The following SMOC1 variants were observed in gnomAD, a reference collection of about 807,000 sequenced individuals.
The protein encoded by SMOC1 is SPARC related modular calcium binding 1.
SMOC1 carries 22 observed loss-of-function variants against 56.3 expected under a neutral mutation model. That is an observed-to-expected ratio of 0.39 (90% CI 0.28 to 0.56). SMOC1 has a LOEUF of 0.56. SMOC1 is among the 20% of genes least tolerant of loss of function. The pLI, the probability that SMOC1 is intolerant of heterozygous loss-of-function variation, is 0.61. For missense variants in SMOC1, 509 were observed against 565.4 expected, an observed-to-expected ratio of 0.90 and a Z score of 1.01; for synonymous variants, 193 against 215.0, an observed-to-expected ratio of 0.90 and a Z score of 0.89.
chr14:69,994,095 G>A (rs1004483605), intron 6 of SMOC1: 2 of 440,726 alleles, frequency 4.5e-6, no homozygotes, highest in East Asian at 4.4e-5. Flanking sequence ...GAGGGACTTG[G>A]CTTGGCCCAT....
At chr14:69,997,319 A>G (rs1220592508) in intron 7 of SMOC1, among the ~76,000 whole-genome samples, 1 of 152,200 alleles carries the variant, frequency 6.6e-6, no homozygotes, top group Admixed American at 6.5e-5. Context: ...TGCTCCCACA[A>G]ACGGGTTGCC....
rs748419756 is a variant in SMOC1, at chr14:69,953,567, T to C, written c.378+35T>C. 3 of 1,582,232 alleles carry C rather than the reference T, an allele frequency of 1.9e-6. No individual in the cohort carries two copies. In the African/African-American group the frequency reaches 4.0e-5, roughly 21 times the overall value. The stretch of plus-strand genomic sequence containing the variant: ...CGGACAATCCTCTTGGGCTCTTTCC[T>C]GGACCGAGGCAGAGGGGAGGTGTCC... On this transcript the variant is annotated intron_variant, in intron 3 of 11. Coordinates refer to ENST00000361956, the MANE Select transcript of SMOC1 (RefSeq NM_001034852.3).
At chr14:69,922,157 TG>T (rs1244831094) in intron 1 of SMOC1, among the ~76,000 whole-genome samples, 1 of 152,238 alleles carries the variant, frequency 6.6e-6, no homozygotes, top group Non-Finnish European at 1.5e-5. Flanking sequence ...TGTGCCATGC[TG>T]GGCTAGTAAT....
rs866268965 is a variant in SMOC1, at chr14:70,023,409, T to C, written c.1253T>C (p.Leu418Pro). ...CTGAACAAAGACAAGGTCATTTCAC[T>C]GCCTGAGCTGAAGGGCTGCCTGGGT... is the stretch of plus-strand genomic sequence containing the variant. ...CDLNKDKVIS[L>P]PELKGCLGVS... Residue 418 changes from leucine to proline, a missense_variant, in exon 11 of 12, where the codon CTG (leucine) becomes CCG (proline). This residue lies in a region of SMOC1 where 176 missense variants were observed against 188.1 expected (regional missense o/e 0.94). Transcript: ENST00000361956. The C allele has an allele frequency of 6.2e-7, 1 of 1,614,042 alleles. No individual in the cohort carries two copies. The highest frequency in any genetic ancestry group is 1.3e-5 in the African/African-American group (1 of 75,058).
chr14:69,939,225 G>A (rs968871998), intron 1 of SMOC1, among the ~76,000 whole-genome samples: 4 of 152,190 alleles, frequency 2.6e-5, no homozygotes, highest in African/African-American at 9.7e-5. Context: ...ATTCAGCAGG[G>A]CTGGGGAAGC....
intron 3 of SMOC1, among the ~76,000 whole-genome samples, chr14:69,959,226 G>A (rs1883288490): frequency 6.6e-6 from 1 of 152,160 alleles, no homozygotes. Flanking sequence ...TTTAAAAAAT[G>A]TCTGCATTGT....
At chr14:70,006,984 G>T (rs1594851885) in intron 7 of SMOC1, among the ~76,000 whole-genome samples, 1 of 152,228 alleles carries the variant, frequency 6.6e-6, no homozygotes, top group Non-Finnish European at 1.5e-5. Context: ...AGTCCACGTG[G>T]AGGGGTCCAC....
intron 1 of SMOC1, among the ~76,000 whole-genome samples, chr14:69,919,911 C>CCG (rs200024094): frequency 8.4e-4 from 30 of 35,814 alleles, no homozygotes; most frequent in African/African-American, 2.5e-3. Flanking sequence ...AACACAAATA[C>CCG]CCCCCCCCCC....
At chr14:70,017,923 C>A (rs1885576565) in intron 10 of SMOC1, among the ~76,000 whole-genome samples, 1 of 152,134 alleles carries the variant, frequency 6.6e-6, no homozygotes. Context: ...TGGGAAAATG[C>A]CTGACCTAGA....
intron 1 of SMOC1, among the ~76,000 whole-genome samples, chr14:69,933,540 GT>G (rs1169228645): frequency 1.3e-5 from 2 of 151,610 alleles, no homozygotes; most frequent in Non-Finnish European, 2.9e-5. Flanking sequence ...TTTTGTTTTT[GT>G]TTTTTTTAGA....
intron 5 of SMOC1, among the ~76,000 whole-genome samples, chr14:69,984,988 G>A (rs1157325042): frequency 6.6e-6 from 1 of 151,562 alleles, no homozygotes; most frequent in Non-Finnish European, 1.5e-5. Context: ...GTTGCAGCAA[G>A]CGAGATCATC....
At chr14:69,900,038 G>A (rs147909892) in intron 1 of SMOC1, among the ~76,000 whole-genome samples, 131 of 152,238 alleles carry the variant, frequency 8.6e-4, no homozygotes, top group African/African-American at 2.7e-3. Flanking sequence ...TTACATACTC[G>A]CCATACCCAT....
chr14:69,977,816 C>T (rs559927298), intron 4 of SMOC1, 102 bp from the exon 5 acceptor site: 248 of 870,884 alleles, frequency 2.8e-4, no homozygotes, highest in Non-Finnish European at 4.6e-4. Flanking sequence ...TACATATATA[C>T]ATGACCATAT....
chr14:69,970,263 T>G (rs963596696), intron 3 of SMOC1, among the ~76,000 whole-genome samples: 44 of 152,196 alleles, frequency 2.9e-4, no homozygotes, highest in African/African-American at 9.4e-4. Flanking sequence ...AGAGACTCAG[T>G]CGCTTCCTGT....
intron 1 of SMOC1, among the ~76,000 whole-genome samples, chr14:69,943,892 C>G (rs1458060054): frequency 6.6e-6 from 1 of 152,220 alleles, no homozygotes; most frequent in African/African-American, 2.4e-5. Context: ...CAGCAAAGCC[C>G]TTTCTGCCCC....
At chr14:69,934,765 T>G (rs1212157872) in intron 1 of SMOC1, among the ~76,000 whole-genome samples, 1 of 152,212 alleles carries the variant, frequency 6.6e-6, no homozygotes, top group Non-Finnish European at 1.5e-5. Context: ...GTTTAGCTCC[T>G]TTGGATCTTC....
intron 1 of SMOC1, among the ~76,000 whole-genome samples, chr14:69,909,059 C>T (rs1384195730): frequency 6.6e-6 from 1 of 152,054 alleles, no homozygotes; most frequent in Non-Finnish European, 1.5e-5. Context: ...CTCTTTGCTC[C>T]ACTAGACTAT....
At chr14:70,019,909 T>A (rs1304781552) in intron 10 of SMOC1, among the ~76,000 whole-genome samples, 1 of 152,242 alleles carries the variant, frequency 6.6e-6, no homozygotes, top group African/African-American at 2.4e-5. Flanking sequence ...GGGTACCTGC[T>A]GTCAACTTCA....
intron 1 of SMOC1, among the ~76,000 whole-genome samples, chr14:69,929,718 G>T (rs1423722483): frequency 6.6e-6 from 1 of 152,148 alleles, no homozygotes; most frequent in Non-Finnish European, 1.5e-5. Context: ...ATCTCCCGGG[G>T]GAAAAGTACA....
Sources: allele counts gnomAD v4.1 joint callset (sites outside exome capture counted in the v4.1 genomes callset), GRCh38; gene constraint gnomAD v4.1.1; regional missense constraint gnomAD v4.1.1; transcripts MANE v1.5; gene names NCBI Gene and HGNC (gene_info 2026-07-23, HGNC 2026-07-21).